The following GFOD2 variants were observed in gnomAD, a reference collection of about 807,000 sequenced individuals.
The protein encoded by GFOD2 is Gfo/Idh/MocA-like oxidoreductase domain containing 2, also known as glucose-fructose oxidoreductase domain-containing protein 2.
In GFOD2, 9 loss-of-function variants were observed where a neutral mutation model predicts 24.6. The ratio of observed to expected loss-of-function variants is 0.37; its 90% confidence interval spans 0.22 to 0.64. The LOEUF (loss-of-function observed/expected upper bound fraction) is 0.64, where lower values mean the gene tolerates loss of function less well. GFOD2 is among the 30% of genes least tolerant of loss of function. The pLI is 0.65. For synonymous variants in GFOD2, 211 were observed against 224.8 expected, an observed-to-expected ratio of 0.94 and a Z score of 0.55; for missense variants, 476 against 532.5, an observed-to-expected ratio of 0.89 and a Z score of 1.04.
chr16:67,714,678 T>C (rs1027784782), intron 1 of GFOD2, among the ~76,000 whole-genome samples: 4 of 152,104 alleles, frequency 2.6e-5, no homozygotes, highest in African/African-American at 9.7e-5. Context: ...AGCTGACAAT[T>C]TGAGAGTAGC....
At chr16:67,685,072 C>T (rs2053255893) in intron 2 of GFOD2, 1 of 1,181,018 alleles carries the variant, frequency 8.5e-7, no homozygotes, top group African/African-American at 1.5e-5. Context: ...CACAGCCTCT[C>T]CTTCCTGTGG....
intron 1 of GFOD2, among the ~76,000 whole-genome samples, chr16:67,713,135 C>T (rs181421861): frequency 1.3e-4 from 20 of 150,686 alleles, no homozygotes; most frequent in African/African-American, 4.7e-4. Context: ...CCGCCCACCT[C>T]GGCCTCCGAA....
At chr16:67,677,005 A>G (rs1210259214) in intron 2 of GFOD2, 1 of 152,194 alleles carries the variant, frequency 6.6e-6, no homozygotes, top group East Asian at 1.9e-4. Context: ...TTTAAATAGA[A>G]AACTTAGAAA....
chr16:67,687,976 A>T (rs1471665663), intron 1 of GFOD2, among the ~76,000 whole-genome samples: 1 of 152,190 alleles, frequency 6.6e-6, no homozygotes, highest in East Asian at 1.9e-4. Context: ...AGACTGTCTC[A>T]AGAAAGGAAA....
At chr16:67,718,771 T>C (rs2053524179) in intron 1 of GFOD2, among the ~76,000 whole-genome samples, 1 of 152,136 alleles carries the variant, frequency 6.6e-6, no homozygotes, top group Non-Finnish European at 1.5e-5. Context: ...CACGAGCCCT[T>C]TGTCTGAGCT....
intron 1 of GFOD2, among the ~76,000 whole-genome samples, chr16:67,710,346 C>G (rs1246376372): frequency 6.6e-6 from 1 of 151,722 alleles, no homozygotes; most frequent in Non-Finnish European, 1.5e-5. Flanking sequence ...TCTCAAACTC[C>G]TCACCTCAAG....
intron 1 of GFOD2, among the ~76,000 whole-genome samples, chr16:67,699,922 A>G (rs1303810092): frequency 6.6e-6 from 1 of 151,932 alleles, no homozygotes. Flanking sequence ...TCTACAAAAA[A>G]CAAACAAAAA....
At chr16:67,679,695 T>C (rs1277600374) in intron 2 of GFOD2, among the ~76,000 whole-genome samples, 2 of 151,744 alleles carry the variant, frequency 1.3e-5, no homozygotes, top group Non-Finnish European at 2.9e-5. Flanking sequence ...GAGACCACCC[T>C]GACCAACATG....
At chr16:67,684,975 G>A (rs904481768) in intron 2 of GFOD2, 72 of 1,006,532 alleles carry the variant, frequency 7.2e-5, no homozygotes, top group Non-Finnish European at 7.8e-5. Context: ...CCTGTCCTCC[G>A]GCAATACAAG....
intron 2 of GFOD2, chr16:67,676,988 C>A (rs748355830): frequency 2.0e-5 from 3 of 152,148 alleles, no homozygotes; most frequent in Non-Finnish European, 4.4e-5. Flanking sequence ...AAATCCTGTG[C>A]TAATACTTTA....
chr16:67,699,130 T>A (rs1274887680), intron 1 of GFOD2, among the ~76,000 whole-genome samples: 1 of 151,870 alleles, frequency 6.6e-6, no homozygotes, highest in Non-Finnish European at 1.5e-5. Context: ...ATCATGAGGT[T>A]AGGAGATTGA....
At chr16:67,707,354 T>C (rs1020028687) in intron 1 of GFOD2, among the ~76,000 whole-genome samples, 1 of 149,080 alleles carries the variant, frequency 6.7e-6, no homozygotes, top group African/African-American at 2.5e-5. Flanking sequence ...TGAAACTCCA[T>C]TTCAAAAAAA....
chr16:67,692,663 C>T (rs947288572), intron 1 of GFOD2, among the ~76,000 whole-genome samples: 1 of 147,656 alleles, frequency 6.8e-6, no homozygotes, highest in African/African-American at 2.5e-5. Context: ...TGAAAGGATA[C>T]ATACTAAATA....
In GFOD2 at chr16:67,675,327, C is replaced by T. The variant is rs746760801; in HGVS notation, c.986G>A (p.Arg329His). Reference protein sequence around the residue: ...QGQGDRRTWDRTPVSMAASFE... With the variant: ...QGQGDRRTWDHTPVSMAASFE... ...GGAGGCGGCCATGGAGACAGGGGTGCGGTCCCAGGTGCGGCGGTCGCCCTG... is the reference window on the plus strand; with the variant it reads ...GGAGGCGGCCATGGAGACAGGGGTGTGGTCCCAGGTGCGGCGGTCGCCCTG... The change falls in exon 3 of 3, where the codon CGC becomes CAC. Residue 329 changes from arginine to histidine, a missense_variant. Coordinates refer to ENST00000268797, the MANE Select transcript of GFOD2 (RefSeq NM_030819.4). 13 of 1,612,986 alleles carry T rather than the reference C, an allele frequency of 8.1e-6. No homozygotes were observed. The highest frequency in any genetic ancestry group is 5.3e-5 in the African/African-American group (4 of 74,936).
chr16:67,691,699 A>G (rs1349911470), intron 1 of GFOD2, among the ~76,000 whole-genome samples: 3 of 151,994 alleles, frequency 2.0e-5, no homozygotes, highest in Admixed American at 2.0e-4. Flanking sequence ...TTGCAATAGG[A>G]ACTAAACTTA....
In GFOD2 at chr16:67,687,086, T is replaced by A. The variant is rs1447603436; in HGVS notation, c.-87-1284A>T. On this transcript the variant is annotated intron_variant, in intron 1 of 2. Transcript: ENST00000268797. ...TCACTTGAACCTGGGAGGTGAAAGT[T>A]GCAGTGATCTGAGATTGTGCCACTG... Among the ~76,000 whole-genome samples the A allele has an allele frequency of 2.7e-5, 4 of 147,748 alleles. No homozygotes were observed. In the Admixed American group the frequency reaches 2.7e-4, roughly 10 times the overall value.
At chr16:67,716,543 C>G (rs115019905) in intron 1 of GFOD2, among the ~76,000 whole-genome samples, 1 of 152,160 alleles carries the variant, frequency 6.6e-6, no homozygotes, top group Non-Finnish European at 1.5e-5. Flanking sequence ...TTTGTGCCCA[C>G]GTTCAAAACA....
chr16:67,701,715 G>T (rs1308061338), intron 1 of GFOD2, among the ~76,000 whole-genome samples: 3 of 147,120 alleles, frequency 2.0e-5, no homozygotes, highest in Non-Finnish European at 3.0e-5. Flanking sequence ...TGATAGCACA[G>T]AATATACAGA....
At chr16:67,700,927 C>A (rs960998755) in intron 1 of GFOD2, among the ~76,000 whole-genome samples, 1 of 149,690 alleles carries the variant, frequency 6.7e-6, no homozygotes, top group African/African-American at 2.5e-5. Context: ...ATCCCAGCTA[C>A]TCAGGAGGCT....
Sources: allele counts gnomAD v4.1 joint callset (sites outside exome capture counted in the v4.1 genomes callset), GRCh38; gene constraint gnomAD v4.1.1; transcripts MANE v1.5; gene names NCBI Gene and HGNC (gene_info 2026-07-23, HGNC 2026-07-21).